RCOR1: variants seen among roughly 807,000 people sequenced by gnomAD.
The protein encoded by RCOR1 is REST corepressor 1.
Under a neutral mutation model 64.0 loss-of-function variants are expected in RCOR1, and 12 were observed. That is an observed-to-expected ratio of 0.19 (90% CI 0.12 to 0.30). The LOEUF (loss-of-function observed/expected upper bound fraction) is 0.30, where lower values mean the gene tolerates loss of function less well. Among genes scored for constraint, RCOR1 ranks in the 10% least tolerant of loss-of-function variants. RCOR1 has a pLI of 1.00. For missense variants in RCOR1, 502 were observed against 621.2 expected, an observed-to-expected ratio of 0.81 and a Z score of 2.04; for synonymous variants, 279 against 227.2, an observed-to-expected ratio of 1.23 and a Z score of -2.05.
intron 2 of RCOR1, chr14:102,656,099 C>G (rs914602525): frequency 1.0e-6 from 1 of 984,544 alleles, no homozygotes; most frequent in African/African-American, 1.8e-5. Flanking sequence ...GAAACAGATT[C>G]TTTTCATTCT....
chr14:102,649,852 A>G (rs1351238816), intron 2 of RCOR1: 2 of 890,980 alleles, frequency 2.2e-6, no homozygotes, highest in Non-Finnish European at 2.7e-6. Context: ...TGAATTGGTT[A>G]TCTAACTTGG....
intron 2 of RCOR1, among the ~76,000 whole-genome samples, chr14:102,663,606 CTG>C (rs1248038477): frequency 6.6e-6 from 1 of 152,154 alleles, no homozygotes; most frequent in East Asian, 1.9e-4. Context: ...ATCAGTCAGA[CTG>C]TAGCTTCAGG....
At chr14:102,639,644 C>T (rs1481297800) in intron 2 of RCOR1, among the ~76,000 whole-genome samples, 1 of 144,846 alleles carries the variant, frequency 6.9e-6, no homozygotes, top group Non-Finnish European at 1.5e-5. Context: ...AGAGATTCTC[C>T]TGCCTCAGCC....
chr14:102,613,559 A>G lies in RCOR1; in HGVS notation c.361+20234A>G, dbSNP rs547063872. ...GCCATTCTCCTGCCTCAGCCTCCCG[A>G]GTAGCTGGGACTACAGGCGCCCGCC... On this transcript the variant is annotated intron_variant, in intron 2 of 11. Coordinates refer to ENST00000262241, the MANE Select transcript of RCOR1 (RefSeq NM_015156.4). 2.6e-3 allele frequency among the ~76,000 whole-genome samples: 385 copies of G among 150,292 alleles called. 1 individual carries two copies. Among genetic ancestry groups the G allele is most frequent in the Non-Finnish European group, 4.6e-3 (312 of 67,606 alleles).
chr14:102,597,020 G>A (rs78500693), intron 2 of RCOR1, among the ~76,000 whole-genome samples: 9,380 of 151,290 alleles, frequency 0.062, 426 homozygotes, highest in Admixed American at 0.13. Flanking sequence ...CTACAGGTGC[G>A]TGCCACCATG....
At chr14:102,656,349 G>C (rs1409910348) in intron 2 of RCOR1, among the ~76,000 whole-genome samples, 2 of 152,084 alleles carry the variant, frequency 1.3e-5, no homozygotes, top group Non-Finnish European at 2.9e-5. Flanking sequence ...ATGTAGGCCA[G>C]GCTGGTCTCA....
chr14:102,662,739 T>C (rs1402058338), intron 2 of RCOR1: 1 of 381,998 alleles, frequency 2.6e-6, no homozygotes, highest in African/African-American at 2.1e-5. Context: ...GCTTTTAATG[T>C]GTACAGTTTC....
chr14:102,629,613 C>G (rs372192016), intron 2 of RCOR1, among the ~76,000 whole-genome samples: 1 of 152,080 alleles, frequency 6.6e-6, no homozygotes, highest in Non-Finnish European at 1.5e-5. Flanking sequence ...GGTGTCTGGC[C>G]TGGAACTCTC....
intron 2 of RCOR1, among the ~76,000 whole-genome samples, chr14:102,618,280 A>T (rs563300571): frequency 1.7e-3 from 264 of 151,248 alleles, no homozygotes; most frequent in Non-Finnish European, 3.0e-3. Flanking sequence ...CCTGTCTGGG[A>T]TGTTTGCCAT....
chr14:102,638,810 G>A (rs561862103), intron 2 of RCOR1, among the ~76,000 whole-genome samples: 4 of 151,792 alleles, frequency 2.6e-5, no homozygotes, highest in Middle Eastern at 6.8e-3. Context: ...TTACAGGTGC[G>A]AACCACCACA....
chr14:102,641,860 G>A (rs1194047471), intron 2 of RCOR1, among the ~76,000 whole-genome samples: 4 of 152,152 alleles, frequency 2.6e-5, no homozygotes, highest in Admixed American at 2.6e-4. Context: ...GTCAAATACA[G>A]TGGAAAGGCT....
intron 5 of RCOR1, among the ~76,000 whole-genome samples, 161 bp from the exon 6 acceptor site, chr14:102,708,304 A>G (rs1457991321): frequency 6.6e-6 from 1 of 150,648 alleles, no homozygotes; most frequent in Non-Finnish European, 1.5e-5. Flanking sequence ...GTTTCACCAT[A>G]TTAGCCAGGA....
At chr14:102,677,226 C>G (rs1358864443) in intron 2 of RCOR1, among the ~76,000 whole-genome samples, 3 of 138,042 alleles carry the variant, frequency 2.2e-5, no homozygotes, top group African/African-American at 8.5e-5. Context: ...CCCCTCCCCC[C>G]TCCCGGACGG....
intron 4 of RCOR1, among the ~76,000 whole-genome samples, chr14:102,705,611 G>T (rs985544968): frequency 2.0e-5 from 3 of 152,006 alleles, no homozygotes; most frequent in African/African-American, 7.2e-5. Flanking sequence ...ACCATGCCTG[G>T]CTAACTTGTT....
chr14:102,625,215 C>T (rs1358691558), intron 2 of RCOR1, among the ~76,000 whole-genome samples: 1 of 146,180 alleles, frequency 6.8e-6, no homozygotes, highest in Non-Finnish European at 1.5e-5. Context: ...TCTTGCATTC[C>T]AGGTCTATCT....
chr14:102,611,262 A>G (rs1280352714), intron 2 of RCOR1, among the ~76,000 whole-genome samples: 1 of 151,962 alleles, frequency 6.6e-6, no homozygotes, highest in African/African-American at 2.4e-5. Context: ...TAGTAGAGAT[A>G]GGGTTTCACC....
intron 3 of RCOR1, among the ~76,000 whole-genome samples, chr14:102,693,119 C>T (rs1895571224): frequency 6.6e-6 from 1 of 152,106 alleles, no homozygotes; most frequent in African/African-American, 2.4e-5. Flanking sequence ...CTATAAATAA[C>T]ACAAGTACAC....
intron 2 of RCOR1, among the ~76,000 whole-genome samples, chr14:102,681,451 T>C (rs1567434019): frequency 1.3e-5 from 2 of 152,250 alleles, no homozygotes; most frequent in Non-Finnish European, 2.9e-5. Flanking sequence ...GTATGCATTT[T>C]AGAAGTTTCC....
intron 2 of RCOR1, among the ~76,000 whole-genome samples, chr14:102,619,496 TTGGAGTCAGG>T (rs1893829970): frequency 1.4e-4 from 18 of 132,188 alleles, no homozygotes; most frequent in African/African-American, 5.4e-4. Context: ...TTTTTTTTTT[TTGGAGTCAGG>T]TTCTTGCTCT....
Sources: gnomAD v4.1 joint callset for allele counts (sites outside exome capture counted in the v4.1 genomes callset) on GRCh38, gnomAD v4.1.1 for gene constraint, MANE v1.5 for transcripts, NCBI Gene and HGNC (gene_info 2026-07-23, HGNC 2026-07-21) for gene names.